SLC25A26: variants seen among roughly 807,000 people sequenced by gnomAD.
The protein encoded by SLC25A26 is solute carrier family 25 member 26.
SLC25A26 carries 36 observed loss-of-function variants against 37.8 expected under a neutral mutation model. The ratio of observed to expected loss-of-function variants is 0.95; its 90% CI spans 0.73 to 1.26. The LOEUF is 1.26. Among genes scored for constraint, SLC25A26 ranks in the 50% most tolerant of loss-of-function variants. SLC25A26 has a pLI of 0.00. For synonymous variants in SLC25A26, 129 were observed against 122.5 expected (o/e 1.05, Z -0.35); for missense variants, 390 against 331.1 (o/e 1.18, Z -1.38).
At chr3:66,154,098 T>A (rs1425630027) in intron 1 of SLC25A26, among the ~76,000 whole-genome samples, 1 of 152,170 alleles carries the variant, frequency 6.6e-6, no homozygotes, top group African/African-American at 2.4e-5. Context: ...ATCGTTTCAC[T>A]GCAGTGCCTG....
At chr3:66,156,648 A>G (rs1185813355) in intron 1 of SLC25A26, among the ~76,000 whole-genome samples, 1 of 152,168 alleles carries the variant, frequency 6.6e-6, no homozygotes, top group Non-Finnish European at 1.5e-5. Flanking sequence ...CAAACTATCT[A>G]TCTTGGGACT....
chr3:66,246,004 G>A (rs1360068866), intron 3 of SLC25A26, among the ~76,000 whole-genome samples: 1 of 152,074 alleles, frequency 6.6e-6, no homozygotes, highest in Non-Finnish European at 1.5e-5. Flanking sequence ...GCAACCACTG[G>A]TCTACTTTCT....
chr3:66,225,785 A>G (rs552574576), intron 1 of SLC25A26, among the ~76,000 whole-genome samples: 5 of 152,082 alleles, frequency 3.3e-5, no homozygotes, highest in Non-Finnish European at 7.4e-5. Context: ...TCAAGTTCAA[A>G]ATTTCACAGA....
At chr3:66,186,555 C>T (rs930348778) in intron 1 of SLC25A26, among the ~76,000 whole-genome samples, 53,713 of 151,826 alleles carry the variant, frequency 0.35, 10,761 homozygotes, top group East Asian at 0.57. Context: ...TGACCCTTAA[C>T]CTGATCCTTA....
At chr3:66,369,405 T>C (rs1700228265) in intron 7 of SLC25A26, 73 bp from the exon 8 acceptor site, 8 of 1,301,580 alleles carry the variant, frequency 6.1e-6, no homozygotes, top group Non-Finnish European at 8.7e-6. Flanking sequence ...TTGGGCAGAG[T>C]CAGGAATTCT....
intron 1 of SLC25A26, among the ~76,000 whole-genome samples, chr3:66,165,751 T>G (rs1477040873): frequency 1.3e-5 from 2 of 152,178 alleles, no homozygotes; most frequent in East Asian, 3.8e-4. Flanking sequence ...TCTGAAGTAG[T>G]ATATAATTTG....
chr3:66,154,158 G>A (rs1033492694), intron 1 of SLC25A26, among the ~76,000 whole-genome samples: 4 of 152,112 alleles, frequency 2.6e-5, no homozygotes, highest in African/African-American at 9.7e-5. Context: ...ATTTGGGTAT[G>A]AGACCGCAGA....
At chr3:66,338,430 C>A (rs1213118079) in intron 5 of SLC25A26, among the ~76,000 whole-genome samples, 2 of 151,894 alleles carry the variant, frequency 1.3e-5, no homozygotes, top group East Asian at 3.8e-4. Flanking sequence ...TGCTCCATAT[C>A]CTTTCAGTTG....
intron 1 of SLC25A26, among the ~76,000 whole-genome samples, chr3:66,182,690 C>T (rs530085014): frequency 8.6e-6 from 1 of 116,668 alleles, no homozygotes; most frequent in South Asian, 3.0e-4. Context: ...CTGAGCCCAG[C>T]ATCGGCCTCA....
rs894681345 is a variant in SLC25A26 at position 66,313,455 on chromosome 3, C to T, written c.454-32909C>T. 7.9e-5 allele frequency among the ~76,000 whole-genome samples: 12 copies of T among 152,172 alleles called. 1 individual carries two copies. The South Asian group carries it at 1.9e-3, about 24-fold the overall frequency. ...AGATGTGCCATCTTATTTCTGAGTT[C>T]TTTATTCTATTCCATTGGTCTATGT... On this transcript the variant is annotated intron_variant, in intron 5 of 9. Coordinates refer to ENST00000354883, the MANE Select transcript of SLC25A26 (RefSeq NM_001379210.1).
In SLC25A26 at chr3:66,196,749, C is replaced by T. The variant is rs978691461; in HGVS notation, c.-353-23993C>T. Among the ~76,000 whole-genome samples, 435 of 152,176 alleles carry T rather than the reference C, an allele frequency of 2.9e-3. 3 individuals are homozygous for T. Among genetic ancestry groups the T allele is most frequent in the African/African-American group, 9.9e-3 (411 of 41,528 alleles). ...TCAATTAGAAACTCTTTCTGTAATT[C>T]TTATACCCTATATAATCAACCATCT... On this transcript the variant is annotated intron_variant, in intron 1 of 10. Transcript: ENST00000676754.
At chr3:66,135,936 G>A (rs1181513464) in intron 1 of SLC25A26, among the ~76,000 whole-genome samples, 3 of 152,088 alleles carry the variant, frequency 2.0e-5, no homozygotes, top group Non-Finnish European at 4.4e-5. Flanking sequence ...AATCCTACAG[G>A]GATATACATC....
At chr3:66,236,938 G>A (rs2072319958) in intron 2 of SLC25A26, among the ~76,000 whole-genome samples, 1 of 152,214 alleles carries the variant, frequency 6.6e-6, no homozygotes, top group Non-Finnish European at 1.5e-5. Flanking sequence ...CTGGGCTCAA[G>A]AAATCCTCTT....
At chr3:66,210,008 G>A (rs1364983122) in intron 1 of SLC25A26, among the ~76,000 whole-genome samples, 1,419 of 133,052 alleles carry the variant, frequency 0.011, 32 homozygotes, top group African/African-American at 0.038. Flanking sequence ...CAATCCCCTA[G>A]CATAGGCTTT....
chr3:66,231,993 C>T (rs1425301455), intron 1 of SLC25A26, among the ~76,000 whole-genome samples: 1 of 152,086 alleles, frequency 6.6e-6, no homozygotes, highest in Non-Finnish European at 1.5e-5. Flanking sequence ...GCTTAATTTA[C>T]TTAACAGGGC....
At chr3:66,294,812 T>C (rs2074841975) in intron 5 of SLC25A26, among the ~76,000 whole-genome samples, 1 of 152,206 alleles carries the variant, frequency 6.6e-6, no homozygotes. Flanking sequence ...ACGTAATTGT[T>C]AGGAAAGTCT....
At chr3:66,317,957 G>T (rs1057160951) in intron 5 of SLC25A26, among the ~76,000 whole-genome samples, 1 of 152,180 alleles carries the variant, frequency 6.6e-6, no homozygotes, top group African/African-American at 2.4e-5. Flanking sequence ...GGTCTTGCTG[G>T]CACTGGTGGC....
chr3:66,257,508 T>TG (rs2073350706), intron 3 of SLC25A26, among the ~76,000 whole-genome samples: 1 of 152,120 alleles, frequency 6.6e-6, no homozygotes, highest in Non-Finnish European at 1.5e-5. Flanking sequence ...CCAGGTTTGA[T>TG]GCAGGAGTGA....
At chr3:66,179,110 C>A (rs959030222) in intron 1 of SLC25A26, among the ~76,000 whole-genome samples, 7 of 152,142 alleles carry the variant, frequency 4.6e-5, no homozygotes, top group African/African-American at 1.4e-4. Flanking sequence ...TTGGGAGATA[C>A]AAGAACATTT....
Sources: gnomAD v4.1 joint callset for allele counts (sites outside exome capture counted in the v4.1 genomes callset) on GRCh38, gnomAD v4.1.1 for gene constraint, MANE v1.5 for transcripts, NCBI Gene and HGNC (gene_info 2026-07-23, HGNC 2026-07-21) for gene names.